Variants in KLHL24 observed in about 807,000 individuals in gnomAD.
KLHL24 encodes kelch like family member 24, also known as kelch-like protein 24.
A neutral mutation model predicts 53.4 loss-of-function variants in KLHL24; 29 were observed. The ratio of observed to expected loss-of-function variants is 0.54; its 90% CI spans 0.40 to 0.74. KLHL24 has a LOEUF of 0.74. KLHL24 is among the 30% of genes least tolerant of loss of function. The pLI is 0.00. For missense variants in KLHL24, 504 were observed against 744.0 expected (o/e 0.68, Z 3.75); for synonymous variants, 222 against 253.7 (o/e 0.88, Z 1.19).
intron 5 of KLHL24, among the ~76,000 whole-genome samples, chr3:183,669,855 G>C (rs187170147): frequency 2.6e-3 from 395 of 152,316 alleles, no homozygotes; most frequent in African/African-American, 8.7e-3. Context: ...AAACGTAAAG[G>C]AAGGGGTATA....
intron 7 of KLHL24, among the ~76,000 whole-genome samples, chr3:183,677,337 G>A (rs377333612): frequency 4.3e-4 from 65 of 152,166 alleles, no homozygotes; most frequent in African/African-American, 1.4e-3. Flanking sequence ...TATAGAAAGC[G>A]CTTATTGTGC....
At chr3:183,645,482 C>G (rs6797004) in intron 2 of KLHL24, among the ~76,000 whole-genome samples, 50,738 of 151,848 alleles carry the variant, frequency 0.33, 9,284 homozygotes, top group African/African-American at 0.49. Flanking sequence ...ATCCAGACAT[C>G]CACACAAATA....
rs1711940913 is a variant in KLHL24 at position 183,676,691 on chromosome 3, A to G, written c.1603-2395A>G. Among the ~76,000 whole-genome samples, 4 of 152,170 alleles carry G rather than the reference A, an allele frequency of 2.6e-5. No homozygotes were observed. In the South Asian group the frequency reaches 8.3e-4, roughly 32 times the overall value. ...CTAAAAACACAGCTTATTATTCAAA[A>G]CATATTTTGCTTTTTAACCTGTGTC... On this transcript the variant is annotated intron_variant, in intron 7 of 7. Transcript: ENST00000242810.
rs559793089 is a variant in KLHL24 at position 183,663,889 on chromosome 3, G to A, written c.1105+247G>A. Among the ~76,000 whole-genome samples the A allele has an allele frequency of 6.6e-6, 1 of 152,164 alleles. No homozygotes were observed. The highest frequency in any genetic ancestry group is 1.5e-5 in the Non-Finnish European group (1 of 68,006). On this transcript the variant is annotated intron_variant, in intron 4 of 7. Coordinates refer to ENST00000242810, the MANE Select transcript of KLHL24 (RefSeq NM_017644.3). The surrounding 1 kb of genome is among the most constrained non-coding windows in gnomAD (Gnocchi z 4.9). ...AAGCAGATCACCGGGTCAGGAGATC[G>A]AGACCATCCTGGCCAACATGGTGAA...
chr3:183,679,462 A>G lies in KLHL24; in HGVS notation c.*176A>G. 5.2e-6 allele frequency: 3 copies of G among 575,158 alleles called. No individual in the cohort carries two copies. Among genetic ancestry groups the G allele is most frequent in the Non-Finnish European group, 6.0e-6 (2 of 332,416 alleles). The allele number at this position is 575,158 out of a possible 1,614,324, so 35.6% of individuals were successfully genotyped here. On this transcript the variant is annotated 3_prime_UTR_variant, in exon 8 of 8. Transcript: ENST00000242810. The stretch of plus-strand genomic sequence containing the variant: ...TTCAAACTATAATAAAGCCTTTCCT[A>G]TAATTGAAAAAAAAAACTTTTTTGT...
intron 3 of KLHL24, among the ~76,000 whole-genome samples, chr3:183,656,059 T>TTTTTTTTTTTTC: frequency 7.4e-6 from 1 of 135,762 alleles, no homozygotes; most frequent in Non-Finnish European, 1.6e-5. Flanking sequence ...TTTTTTTTTT[T>TTTTTTTTTTTTC]TTTCTGAGAC....
intron 7 of KLHL24, among the ~76,000 whole-genome samples, chr3:183,675,064 A>G (rs1328138946): frequency 6.6e-6 from 1 of 152,150 alleles, no homozygotes. Context: ...TTTATTTCCT[A>G]TACTAGAATT....
At chr3:183,648,316 A>G (rs1717623893) in intron 2 of KLHL24, among the ~76,000 whole-genome samples, 1 of 152,202 alleles carries the variant, frequency 6.6e-6, no homozygotes, top group African/African-American at 2.4e-5. Flanking sequence ...TTTTGATGTT[A>G]CGTATTTTAT....
chr3:183,682,481 A>T lies in KLHL24; in HGVS notation c.*3195A>T, dbSNP rs1380131309. ...AACCAGGTGATAAGATGATGTAAAT[A>T]CTCAGGGAGGGTATTAACTTGTTAC... On this transcript the variant is annotated 3_prime_UTR_variant, in exon 8 of 8. Transcript: ENST00000242810. The T allele has an allele frequency of 6.6e-6, 1 of 152,632 alleles. No individual in the cohort carries two copies. The highest frequency in any genetic ancestry group is 1.9e-4 in the East Asian group (1 of 5,202). The allele number at this position is 152,632 out of a possible 1,614,324, so 9.5% of individuals were successfully genotyped here. A position where few individuals can be genotyped will look rare whatever the true frequency, so the allele number is the denominator to read the frequency against.
chr3:183,645,468 A>G (rs6772397), intron 2 of KLHL24, among the ~76,000 whole-genome samples: 48,133 of 151,992 alleles, frequency 0.32, 8,096 homozygotes, highest in East Asian at 0.47. Context: ...GTGTATGCAC[A>G]TGCATCCAGA....
intron 2 of KLHL24, among the ~76,000 whole-genome samples, chr3:183,648,341 C>T (rs1418094765): frequency 6.6e-6 from 1 of 152,176 alleles, no homozygotes; most frequent in Non-Finnish European, 1.5e-5. Flanking sequence ...CTTTGTGTCA[C>T]TTAAAAAGTG....
chr3:183,674,787 A>G (rs1274967385), intron 7 of KLHL24, among the ~76,000 whole-genome samples: 1 of 152,188 alleles, frequency 6.6e-6, no homozygotes, highest in Non-Finnish European at 1.5e-5. Context: ...TTTCAGCTTC[A>G]CATTCTATAA....
intron 1 of KLHL24, chr3:183,636,556 A>G (rs1715244189): frequency 6.6e-6 from 1 of 152,098 alleles, no homozygotes; most frequent in Non-Finnish European, 1.5e-5. Context: ...TCAGTTTCTT[A>G]ATTTAGTTCC....
Position 183,650,044 on chromosome 3 carries a change from C to T in KLHL24, c.-61-252C>T, listed in dbSNP as rs1576905679. ...GGAGGAAACGGAAGGTTATTAGTAA[C>T]TCACGAAGTACATAGTATCCTTTCA... On this transcript the variant is annotated intron_variant, in intron 2 of 7. Transcript: ENST00000242810. This position sits in a 1 kb window ranked among gnomAD's most constrained non-coding sequence, Gnocchi z 4.5. Among the ~76,000 whole-genome samples, 1 of 152,308 alleles carries T rather than the reference C, an allele frequency of 6.6e-6. No individual in the cohort carries two copies. Among genetic ancestry groups the T allele is most frequent in the Non-Finnish European group, 1.5e-5 (1 of 68,040 alleles).
At position 183,640,123 on chromosome 3, in the gene KLHL24, C is replaced by A. The variant is rs974186379; in HGVS notation, c.-124-3357C>A. Reference sequence around the variant, plus strand: ...ATCAAATAAAACAATGCATTAAATACCTAAAAGAAACATGTTAGCAAGATA... The same window carrying A: ...ATCAAATAAAACAATGCATTAAATAACTAAAAGAAACATGTTAGCAAGATA... On this transcript the variant is annotated intron_variant, in intron 1 of 7. Coordinates refer to ENST00000242810, the MANE Select transcript of KLHL24 (RefSeq NM_017644.3). 1.1e-4 allele frequency among the ~76,000 whole-genome samples: 17 copies of A among 152,292 alleles called. 1 individual carries two copies. In the South Asian group the frequency reaches 2.7e-3, roughly 24 times the overall value.
intron 3 of KLHL24, among the ~76,000 whole-genome samples, chr3:183,656,059 T>C (rs373738431): frequency 1.4e-3 from 196 of 135,490 alleles, no homozygotes; most frequent in Non-Finnish European, 1.7e-3. Context: ...TTTTTTTTTT[T>C]TTTCTGAGAC....
intron 3 of KLHL24, among the ~76,000 whole-genome samples, chr3:183,654,761 G>T (rs1718613806): frequency 1.3e-5 from 2 of 152,102 alleles, no homozygotes; most frequent in Non-Finnish European, 2.9e-5. Context: ...CTTGTCAATG[G>T]GGAAGTTGTC....
At chr3:183,653,018 C>T (rs372348169) in intron 3 of KLHL24, among the ~76,000 whole-genome samples, 10 of 152,248 alleles carry the variant, frequency 6.6e-5, no homozygotes, top group African/African-American at 2.4e-4. Context: ...GCCTAAGGGT[C>T]CCATCACTCC....
intron 7 of KLHL24, among the ~76,000 whole-genome samples, chr3:183,675,355 T>C (rs920042442): frequency 5.9e-5 from 9 of 152,188 alleles, no homozygotes; most frequent in Admixed American, 5.9e-4. Flanking sequence ...CCCCAGTTAA[T>C]GAAAGGGACA....
Sources: gnomAD v4.1 joint callset for allele counts (sites outside exome capture counted in the v4.1 genomes callset) on GRCh38, gnomAD v4.1.1 for gene constraint, Gnocchi (gnomAD v3.1) non-coding constraint, MANE v1.5 for transcripts, NCBI Gene and HGNC (gene_info 2026-07-23, HGNC 2026-07-21) for gene names.